The following SLC4A10 variants were observed in gnomAD, a reference collection of about 807,000 sequenced individuals.
SLC4A10 encodes the protein solute carrier family 4 member 10.
SLC4A10 carries 42 observed loss-of-function variants against 137.7 expected under a neutral mutation model. The observed-to-expected ratio is 0.30, with a 90% CI of 0.24 to 0.39. SLC4A10 has a LOEUF of 0.39. Ranked by LOEUF, SLC4A10 falls within the 10% of genes least tolerant of loss-of-function variation. The probability of loss-of-function intolerance (pLI) is 1.00; values close to 1 mark genes in which losing one functional copy is unlikely to be tolerated. For missense variants in SLC4A10, 925 were observed against 1,355.0 expected (o/e 0.68, Z 4.98); for synonymous variants, 474 against 464.1 (o/e 1.02, Z -0.27).
intron 1 of SLC4A10, among the ~76,000 whole-genome samples, chr2:161,732,032 G>T (rs1299522098): frequency 2.6e-5 from 4 of 152,126 alleles, no homozygotes; most frequent in Non-Finnish European, 5.9e-5. Context: ...GATGCGTAGG[G>T]CAAGGCATGG....
chr2:161,832,716 C>T (rs1039890097), intron 3 of SLC4A10, among the ~76,000 whole-genome samples: 4 of 151,576 alleles, frequency 2.6e-5, no homozygotes, highest in Non-Finnish European at 5.9e-5. Flanking sequence ...TTTGCATTTT[C>T]TTTTTTTGTT....
At chr2:161,779,603 A>T (rs1200497691) in intron 2 of SLC4A10, among the ~76,000 whole-genome samples, 1 of 152,002 alleles carries the variant, frequency 6.6e-6, no homozygotes, top group African/African-American at 2.4e-5. Context: ...CATAATTATA[A>T]TATTTTGCAA....
At chr2:161,773,953 A>G (rs925551280) in intron 2 of SLC4A10, among the ~76,000 whole-genome samples, 52 of 151,456 alleles carry the variant, frequency 3.4e-4, no homozygotes, top group African/African-American at 1.2e-3. Context: ...TGGTGTCTCT[A>G]CTCATCTCCT....
At chr2:161,756,902 C>T (rs1177968939) in intron 1 of SLC4A10, among the ~76,000 whole-genome samples, 1 of 151,982 alleles carries the variant, frequency 6.6e-6, no homozygotes, top group African/African-American at 2.4e-5. Flanking sequence ...AGAAAGAGAT[C>T]TGGAATGTTA....
chr2:161,641,530 C>G (rs2035321496), intron 1 of SLC4A10, among the ~76,000 whole-genome samples: 1 of 152,068 alleles, frequency 6.6e-6, no homozygotes, highest in African/African-American at 2.4e-5. Context: ...AGTAATCTAT[C>G]TTAAATTGAG....
chr2:161,914,496 C>G (rs1183305394), intron 15 of SLC4A10, among the ~76,000 whole-genome samples: 1 of 152,274 alleles, frequency 6.6e-6, no homozygotes, highest in South Asian at 2.1e-4. Context: ...CTTCAACTCC[C>G]CCTACTATAA....
intron 1 of SLC4A10, among the ~76,000 whole-genome samples, chr2:161,708,284 G>A (rs1559077290): frequency 6.6e-6 from 1 of 151,382 alleles, no homozygotes; most frequent in Non-Finnish European, 1.5e-5. Flanking sequence ...AAGTCATAAA[G>A]CCTAAAGCTT....
At chr2:161,812,483 G>C (rs1477948698) in intron 3 of SLC4A10, among the ~76,000 whole-genome samples, 1 of 151,780 alleles carries the variant, frequency 6.6e-6, no homozygotes, top group Non-Finnish European at 1.5e-5. Context: ...AGTGAGCACA[G>C]AGTATAGTCA....
chr2:161,633,591 A>T (rs1295853550), intron 1 of SLC4A10, among the ~76,000 whole-genome samples: 1 of 151,776 alleles, frequency 6.6e-6, no homozygotes, highest in Non-Finnish European at 1.5e-5. Context: ...TGAAAAAAAT[A>T]CGTGTTATAT....
At chr2:161,823,437 A>G (rs2057782240) in intron 3 of SLC4A10, among the ~76,000 whole-genome samples, 1 of 152,218 alleles carries the variant, frequency 6.6e-6, no homozygotes, top group Non-Finnish European at 1.5e-5. Context: ...AGTAAACAGC[A>G]TATTGCCGTA....
intron 1 of SLC4A10, among the ~76,000 whole-genome samples, chr2:161,656,361 A>T (rs1416107573): frequency 1.3e-5 from 2 of 152,200 alleles, no homozygotes; most frequent in Non-Finnish European, 2.9e-5. Context: ...TACTAATTAT[A>T]TTTTAGTGGC....
At chr2:161,968,496 T>C (rs1377954764) in intron 23 of SLC4A10, among the ~76,000 whole-genome samples, 3 of 152,176 alleles carry the variant, frequency 2.0e-5, no homozygotes, top group Non-Finnish European at 4.4e-5. Flanking sequence ...ATTAAAGATT[T>C]CCTGGGGCAA....
chr2:161,747,314 G>C (rs72877334), intron 1 of SLC4A10, among the ~76,000 whole-genome samples: 1 of 152,238 alleles, frequency 6.6e-6, no homozygotes, highest in Non-Finnish European at 1.5e-5. Flanking sequence ...ATTCCGCCTT[G>C]TGTTGTTTTC....
chr2:161,873,646 C>A, intron 7 of SLC4A10: 1 of 218,502 alleles, frequency 4.6e-6, no homozygotes, highest in Non-Finnish European at 9.1e-6. Flanking sequence ...ATAGAAGTAA[C>A]TCAGAGTAAT....
At chr2:161,751,105 C>A (rs891051813) in intron 1 of SLC4A10, among the ~76,000 whole-genome samples, 1 of 151,702 alleles carries the variant, frequency 6.6e-6, no homozygotes, top group East Asian at 1.9e-4. Context: ...TATACATGTC[C>A]TTGAATCTAA....
chr2:161,862,961 A>G lies in SLC4A10; in HGVS notation c.665A>G (p.His222Arg). 1 of 1,613,874 alleles carries G rather than the reference A, an allele frequency of 6.2e-7. No individual in the cohort carries two copies. Among genetic ancestry groups the G allele is most frequent in the Non-Finnish European group, 8.5e-7 (1 of 1,179,840 alleles). Residue 222 changes from histidine (H) to arginine (R), a missense_variant, in exon 6 of 27, where the codon CAT (histidine) becomes CGT (arginine). Physicochemically the swap from His to Arg is conservative, Grantham distance 29. Coordinates refer to ENST00000446997, the MANE Select transcript of SLC4A10 (RefSeq NM_001178015.2). The part of the protein sequence containing the change: ...RVHEALMKQH[H>R]HQNQKKLTNR... ...CATGAGGCATTGATGAAACAGCATC[A>G]TCATCAGAATCAGAAAAAACTCACC... is the stretch of plus-strand genomic sequence containing the variant.
intron 3 of SLC4A10, among the ~76,000 whole-genome samples, chr2:161,805,519 A>C (rs2055845011): frequency 6.6e-6 from 1 of 152,228 alleles, no homozygotes; most frequent in African/African-American, 2.4e-5. Context: ...GTTACTTCCT[A>C]GATACAACTG....
intron 1 of SLC4A10, among the ~76,000 whole-genome samples, chr2:161,659,896 A>T (rs1029500320): frequency 6.6e-6 from 1 of 152,232 alleles, no homozygotes; most frequent in Non-Finnish European, 1.5e-5. Context: ...GAAAGAAGCC[A>T]GTCACAAAAG....
intron 1 of SLC4A10, among the ~76,000 whole-genome samples, chr2:161,739,551 G>T (rs904650406): frequency 6.6e-6 from 1 of 152,090 alleles, no homozygotes; most frequent in Admixed American, 6.5e-5. Context: ...CTGAACATTT[G>T]CATCTTCTAC....
Sources: gnomAD v4.1 joint callset for allele counts (sites outside exome capture counted in the v4.1 genomes callset) on GRCh38, gnomAD v4.1.1 for gene constraint, MANE v1.5 for transcripts, NCBI Gene and HGNC (gene_info 2026-07-23, HGNC 2026-07-21) for gene names.